NRXN3: variants seen among roughly 807,000 people sequenced by gnomAD.
NRXN3 encodes the protein neurexin III.
A neutral mutation model predicts 137.6 loss-of-function variants in NRXN3; 32 were observed. The observed-to-expected ratio is 0.23, with a 90% confidence interval of 0.18 to 0.31. NRXN3 has a LOEUF of 0.31. Ranked by LOEUF, NRXN3 falls within the 10% of genes least tolerant of loss-of-function variation. The probability of loss-of-function intolerance (pLI) is 1.00; values close to 1 mark genes in which losing one functional copy is unlikely to be tolerated. For missense variants in NRXN3, 1,574 were observed against 2,062.5 expected, an observed-to-expected ratio of 0.76 and a Z score of 4.59; for synonymous variants, 798 against 784.5, an observed-to-expected ratio of 1.02 and a Z score of -0.29.
chr14:79,426,670 T>C (rs138677014), intron 15 of NRXN3, among the ~76,000 whole-genome samples: 10 of 152,298 alleles, frequency 6.6e-5, no homozygotes, highest in Admixed American at 2.0e-4. Context: ...CCAAATGTCA[T>C]TGTTAATAAA....
chr14:79,202,038 T>C (rs2066101320), intron 15 of NRXN3, among the ~76,000 whole-genome samples: 1 of 152,074 alleles, frequency 6.6e-6, no homozygotes, highest in Non-Finnish European at 1.5e-5. Flanking sequence ...CCTCCAGGCT[T>C]CCCTTGAGTA....
intron 19 of NRXN3, among the ~76,000 whole-genome samples, chr14:79,721,112 T>G (rs2098843001): frequency 6.6e-6 from 1 of 152,200 alleles, no homozygotes; most frequent in South Asian, 2.1e-4. Context: ...AAATAAGCCT[T>G]ACAAGAATGT....
At chr14:79,769,381 G>T (rs879054098) in intron 19 of NRXN3, among the ~76,000 whole-genome samples, 1 of 151,674 alleles carries the variant, frequency 6.6e-6, no homozygotes, top group Admixed American at 6.6e-5. Context: ...GAGAAAGGTC[G>T]GGTTACCCTC....
At chr14:78,671,441 T>C (rs1163344996) in intron 6 of NRXN3, among the ~76,000 whole-genome samples, 2 of 152,178 alleles carry the variant, frequency 1.3e-5, no homozygotes, top group Non-Finnish European at 2.9e-5. Context: ...AAAGTACATA[T>C]AAGAAATGTT....
chr14:78,662,811 G>T (rs575729291), intron 6 of NRXN3, among the ~76,000 whole-genome samples: 2 of 152,244 alleles, frequency 1.3e-5, no homozygotes, highest in East Asian at 3.9e-4. Context: ...TAAGAGTTGA[G>T]GTTCCCAGCC....
At chr14:78,809,217 G>A (rs188696554) in intron 9 of NRXN3, among the ~76,000 whole-genome samples, 7 of 152,200 alleles carry the variant, frequency 4.6e-5, no homozygotes, top group Admixed American at 3.3e-4. Flanking sequence ...AGAATACCTT[G>A]TCTGATTACT....
chr14:79,783,148 TG>T (rs2099119119), intron 19 of NRXN3, among the ~76,000 whole-genome samples: 2 of 152,202 alleles, frequency 1.3e-5, no homozygotes, highest in Admixed American at 6.5e-5. Context: ...GTGTTTTTAA[TG>T]ATATGATTTT....
At chr14:79,789,855 GC>G (rs1263017713) in intron 19 of NRXN3, among the ~76,000 whole-genome samples, 1 of 152,120 alleles carries the variant, frequency 6.6e-6, no homozygotes, top group Non-Finnish European at 1.5e-5. Flanking sequence ...TGGGAATGCA[GC>G]CCAGTAGGTC....
intron 4 of NRXN3, among the ~76,000 whole-genome samples, chr14:78,634,517 G>A (rs900394120): frequency 2.0e-5 from 3 of 152,178 alleles, no homozygotes; most frequent in Admixed American, 6.5e-5. Context: ...ATTGGCAGCA[G>A]AGATTTAACT....
intron 10 of NRXN3, among the ~76,000 whole-genome samples, chr14:78,854,977 A>C (rs960816529): frequency 6.6e-6 from 1 of 152,118 alleles, no homozygotes; most frequent in African/African-American, 2.4e-5. Context: ...ATAGCTGGCC[A>C]ACATGGTGAA....
At position 78,709,398 on chromosome 14, in the gene NRXN3, T is replaced by C. The variant is rs1216660747; in HGVS notation, c.1403T>C (p.Met468Thr). Residue 468 changes from methionine (M) to threonine (T), a missense_variant, in exon 7 of 21, where the codon ATG becomes ACG. By Grantham distance (81) the Met-to-Thr change is moderately conservative (BLOSUM62 -1). Transcript: ENST00000335750. Reference protein sequence around the residue: ...ISLPKWNTKRMGSISFDFRTT... With the variant: ...ISLPKWNTKRTGSISFDFRTT... ...TTGCCCAAGTGGAACACTAAACGTA[T>C]GGGCTCCATCTCCTTTGACTTCCGC... is the stretch of plus-strand genomic sequence containing the variant. The C allele has an allele frequency of 2.5e-6, 4 of 1,614,022 alleles. No individual in the cohort carries two copies. The highest frequency in any genetic ancestry group is 1.3e-5 in the African/African-American group (1 of 74,918).
chr14:79,340,756 G>A (rs1217260508), intron 15 of NRXN3, among the ~76,000 whole-genome samples: 3 of 152,300 alleles, frequency 2.0e-5, no homozygotes, highest in Admixed American at 6.5e-5. Context: ...AAGCCACCGC[G>A]CCTGGCCTGA....
At chr14:78,774,855 TG>T (rs1209827163) in intron 8 of NRXN3, among the ~76,000 whole-genome samples, 6 of 152,054 alleles carry the variant, frequency 3.9e-5, no homozygotes, top group Admixed American at 6.6e-5. Flanking sequence ...GCCAAGGGTT[TG>T]AGGCTACAGG....
At chr14:79,385,167 G>A (rs955594344) in intron 15 of NRXN3, among the ~76,000 whole-genome samples, 7 of 145,210 alleles carry the variant, frequency 4.8e-5, no homozygotes, top group South Asian at 2.3e-4. Context: ...CCACTAACTC[G>A]TCATCTAGCA....
intron 15 of NRXN3, chr14:79,279,632 C>A: frequency 1.0e-6 from 1 of 987,298 alleles, no homozygotes; most frequent in Non-Finnish European, 1.2e-6. Flanking sequence ...TGGTTTTCAT[C>A]CAGTTGGGAA....
At position 79,067,285 on chromosome 14, in the gene NRXN3, T is replaced by C. The variant is rs539675776; in HGVS notation, c.3262+79144T>C. Among the ~76,000 whole-genome samples the C allele has an allele frequency of 2.0e-5, 3 of 152,358 alleles. No homozygotes were observed. In the East Asian group the frequency reaches 5.8e-4, roughly 29 times the overall value. ...ATCACATTTATTGATTTGCATATGT[T>C]GAACCAAACTTGCATCCCAGTGATG... On this transcript the variant is annotated intron_variant, in intron 15 of 20. Coordinates refer to ENST00000335750, the MANE Select transcript of NRXN3 (RefSeq NM_001330195.2).
chr14:78,326,754 C>G lies in NRXN3; in HGVS notation c.757+28894C>G, dbSNP rs142910237. On this transcript the variant is annotated intron_variant, in intron 4 of 20. Transcript: ENST00000335750. The stretch of plus-strand genomic sequence containing the variant: ...AATATTTATTTAGCAGCTACTTACT[C>G]TGTGCTATGATCTGTTCTAGGTGTG... Among the ~76,000 whole-genome samples the G allele has an allele frequency of 7.6e-3, 1,158 of 152,252 alleles. 20 individuals carry two copies. Among genetic ancestry groups the G allele is most frequent in the Non-Finnish European group, 7.0e-3 (476 of 68,012 alleles).
chr14:79,473,174 C>T (rs935038218), intron 16 of NRXN3, among the ~76,000 whole-genome samples: 5 of 152,000 alleles, frequency 3.3e-5, no homozygotes, highest in Admixed American at 6.6e-5. Flanking sequence ...AACTGCTGTC[C>T]AGACTGACCC....
At chr14:79,195,049 G>C (rs2064965741) in intron 15 of NRXN3, among the ~76,000 whole-genome samples, 1 of 151,898 alleles carries the variant, frequency 6.6e-6, no homozygotes, top group South Asian at 2.1e-4. Context: ...GTCATGGATG[G>C]CTCCTTTTCC....
Sources: gnomAD v4.1 joint callset for allele counts (sites outside exome capture counted in the v4.1 genomes callset) on GRCh38, gnomAD v4.1.1 for gene constraint, MANE v1.5 for transcripts, NCBI Gene and HGNC (gene_info 2026-07-23, HGNC 2026-07-21) for gene names.